The following DOCK1 variants were observed in gnomAD, a reference collection of about 807,000 sequenced individuals.
DOCK1 encodes dedicator of cytokinesis protein 1.
DOCK1 carries 138 observed loss-of-function variants against 262.7 expected under a neutral mutation model. That is an observed-to-expected ratio of 0.53 (90% CI 0.46 to 0.61). The LOEUF (loss-of-function observed/expected upper bound fraction) is 0.61, where lower values mean the gene tolerates loss of function less well. Among genes scored for constraint, DOCK1 ranks in the 20% least tolerant of loss-of-function variants. The pLI is 0.00. For missense variants in DOCK1, 1,908 were observed against 2,370.7 expected (o/e 0.80, Z 4.05); for synonymous variants, 866 against 867.4 (o/e 1.00, Z 0.03).
intron 27 of DOCK1, among the ~76,000 whole-genome samples, chr10:127,236,225 A>T (rs941199339): frequency 6.6e-6 from 1 of 152,098 alleles, no homozygotes; most frequent in African/African-American, 2.4e-5. Flanking sequence ...TGTTTTCTTT[A>T]AAAAGTTTTG....
chr10:127,151,507 C>T (rs926342424), intron 27 of DOCK1, among the ~76,000 whole-genome samples: 2 of 152,064 alleles, frequency 1.3e-5, no homozygotes, highest in Non-Finnish European at 2.9e-5. Context: ...ATCTAAAACT[C>T]CACTCTTCCT....
intron 29 of DOCK1, among the ~76,000 whole-genome samples, chr10:127,309,793 G>A (rs1319881657): frequency 6.6e-6 from 1 of 151,978 alleles, no homozygotes; most frequent in Non-Finnish European, 1.5e-5. Flanking sequence ...ATTTTCAGTG[G>A]CAATGTTTTT....
chr10:127,343,559 G>C, intron 30 of DOCK1, 87 bp from the exon 31 acceptor site: 1 of 1,088,008 alleles, frequency 9.2e-7, no homozygotes, highest in Non-Finnish European at 1.3e-6. Flanking sequence ...AGTGTGTGCT[G>C]AGCAAATGAT....
At chr10:127,039,972 C>T (rs926931220) in intron 19 of DOCK1, among the ~76,000 whole-genome samples, 5 of 152,202 alleles carry the variant, frequency 3.3e-5, no homozygotes, top group Non-Finnish European at 7.3e-5. Flanking sequence ...GGCCCTCCTT[C>T]AGGTGCTCGC....
intron 18 of DOCK1, among the ~76,000 whole-genome samples, chr10:127,036,902 AGGAGGC>A (rs1327875842): frequency 6.7e-6 from 1 of 149,334 alleles, no homozygotes. Flanking sequence ...TCTTGAACCC[AGGAGGC>A]GGAGGTTGCA....
chr10:126,984,912 C>A (rs896629226), intron 4 of DOCK1, among the ~76,000 whole-genome samples: 2 of 150,836 alleles, frequency 1.3e-5, no homozygotes, highest in African/African-American at 4.9e-5. Context: ...CTTATTCCTT[C>A]TGTCTAACAG....
At chr10:127,093,242 C>CTTTTTTTTTTTTTTT (rs200302331) in intron 23 of DOCK1, among the ~76,000 whole-genome samples, 3 of 79,338 alleles carry the variant, frequency 3.8e-5, no homozygotes, top group African/African-American at 6.7e-5. Context: ...TTTCTTTCTT[C>CTTTTTTTTTTTTTTT]TTTTTTTTTT....
intron 29 of DOCK1, among the ~76,000 whole-genome samples, chr10:127,275,741 G>A (rs2060717200): frequency 6.8e-6 from 1 of 146,502 alleles, no homozygotes; most frequent in Non-Finnish European, 1.5e-5. Flanking sequence ...GGGAGGTACA[G>A]GTGTCAACCT....
chr10:127,001,507 G>A (rs1415585557), intron 10 of DOCK1: 4 of 152,166 alleles, frequency 2.6e-5, no homozygotes, highest in African/African-American at 7.2e-5. Flanking sequence ...CATTCTTGAT[G>A]TTGTGCCTTC....
intron 26 of DOCK1, among the ~76,000 whole-genome samples, chr10:127,126,159 A>G (rs1183571241): frequency 2.0e-5 from 3 of 151,244 alleles, no homozygotes; most frequent in African/African-American, 7.3e-5. Context: ...CAGTGGCACA[A>G]TCTCAGCTCA....
intron 1 of DOCK1, among the ~76,000 whole-genome samples, chr10:126,917,448 C>T (rs974608050): frequency 1.3e-5 from 2 of 152,162 alleles, no homozygotes; most frequent in East Asian, 3.9e-4. Context: ...TGCAGCCAGC[C>T]CGGAAGCCCT....
chr10:127,419,858 A>G, intron 46 of DOCK1, 109 bp downstream of exon 46: 2 of 1,172,930 alleles, frequency 1.7e-6, no homozygotes, highest in South Asian at 1.4e-5. Context: ...TGCAGTCCTG[A>G]TGCACGTGGC....
intron 29 of DOCK1, among the ~76,000 whole-genome samples, chr10:127,333,554 A>T (rs2063072536): frequency 6.6e-6 from 1 of 152,238 alleles, no homozygotes; most frequent in Non-Finnish European, 1.5e-5. Context: ...TTACTGGCAC[A>T]TGGCTTTCCA....
intron 46 of DOCK1, among the ~76,000 whole-genome samples, chr10:127,421,887 T>C (rs2068533534): frequency 6.6e-6 from 1 of 152,198 alleles, no homozygotes. Context: ...AGGAACAACA[T>C]GTGGGTTGTT....
intron 16 of DOCK1, among the ~76,000 whole-genome samples, chr10:127,028,040 G>T (rs1476081852): frequency 1.3e-5 from 2 of 150,758 alleles, no homozygotes; most frequent in Non-Finnish European, 3.0e-5. Flanking sequence ...TGGAGTGCCT[G>T]GTGGTGGGTG....
At chr10:127,378,438 G>A (rs61870313) in intron 35 of DOCK1, among the ~76,000 whole-genome samples, 38,094 of 151,998 alleles carry the variant, frequency 0.25, 4,871 homozygotes, top group South Asian at 0.31. Flanking sequence ...GGCTGCCCGC[G>A]GAGCCCAGGA....
At chr10:127,143,962 C>T (rs1442785184) in intron 27 of DOCK1, among the ~76,000 whole-genome samples, 1 of 152,176 alleles carries the variant, frequency 6.6e-6, no homozygotes, top group African/African-American at 2.4e-5. Flanking sequence ...GCCTGCAGCC[C>T]CCATTCATCT....
chr10:127,289,887 T>C (rs2061291481), intron 29 of DOCK1, among the ~76,000 whole-genome samples: 1 of 152,028 alleles, frequency 6.6e-6, no homozygotes, highest in Non-Finnish European at 1.5e-5. Context: ...TTTTTTTACT[T>C]TATTTTTCAT....
chr10:126,989,376 G>T (rs1423967418), intron 5 of DOCK1, among the ~76,000 whole-genome samples: 1 of 152,128 alleles, frequency 6.6e-6, no homozygotes, highest in African/African-American at 2.4e-5. Context: ...GCCCAGGCTA[G>T]ATTGCAGTGG....
Sources: gnomAD v4.1 joint callset for allele counts (sites outside exome capture counted in the v4.1 genomes callset) on GRCh38, gnomAD v4.1.1 for gene constraint, MANE v1.5 for transcripts, NCBI Gene and HGNC (gene_info 2026-07-23, HGNC 2026-07-21) for gene names.